ST3GAL4: variants seen among roughly 807,000 people sequenced by gnomAD.
The protein encoded by ST3GAL4 is CMP-N-acetylneuraminate-beta-galactosamide-alpha-2,3-sialyltransferase 4.
ST3GAL4 carries 24 observed loss-of-function variants against 42.6 expected under a neutral mutation model. The observed-to-expected ratio is 0.56, with a 90% CI of 0.41 to 0.79. The LOEUF (loss-of-function observed/expected upper bound fraction) is 0.79. Ranked by LOEUF, ST3GAL4 falls within the 30% of genes least tolerant of loss-of-function variation. The probability of loss-of-function intolerance (pLI) is 0.00; values close to 1 mark genes in which losing one functional copy is unlikely to be tolerated. For synonymous variants in ST3GAL4, 135 were observed against 163.2 expected (o/e 0.83, Z 1.32); for missense variants, 311 against 430.8 (o/e 0.72, Z 2.46).
intron 1 of ST3GAL4, among the ~76,000 whole-genome samples, chr11:126,394,585 C>T (rs113378378): frequency 3.3e-5 from 5 of 152,078 alleles, no homozygotes; most frequent in East Asian, 3.9e-4. Flanking sequence ...CCACCATGCC[C>T]GGCTAATTTT....
In ST3GAL4 at chr11:126,378,389, G is replaced by A. The variant is rs897867417; in HGVS notation, c.-61+22547G>A. On this transcript the variant is annotated intron_variant, in intron 1 of 10. Transcript: ENST00000444328. The surrounding 1 kb of genome is among the most constrained non-coding windows in gnomAD (Gnocchi z 5.3). Reference sequence around the variant, plus strand: ...TATGAATTTGATAAAATGACTGTATGCCATCATCAATTAGGGATGATTGGT... The same window carrying A: ...TATGAATTTGATAAAATGACTGTATACCATCATCAATTAGGGATGATTGGT... 6.6e-6 allele frequency among the ~76,000 whole-genome samples: 1 copy of A among 152,126 alleles called. No homozygotes were observed. The highest frequency in any genetic ancestry group is 2.4e-5 in the African/African-American group (1 of 41,432).
intron 1 of ST3GAL4, among the ~76,000 whole-genome samples, chr11:126,367,272 C>T (rs1471882728): frequency 6.6e-6 from 1 of 152,180 alleles, no homozygotes; most frequent in Non-Finnish European, 1.5e-5. Flanking sequence ...TGCCACCACA[C>T]CCCAGCAGCG....
At chr11:126,381,266 C>G (rs1490214332) in intron 1 of ST3GAL4, among the ~76,000 whole-genome samples, 1 of 152,168 alleles carries the variant, frequency 6.6e-6, no homozygotes, top group Non-Finnish European at 1.5e-5. Context: ...GTTCATCCCC[C>G]CACCTCCCAA....
At position 126,363,874 on chromosome 11, in the gene ST3GAL4, T is replaced by C. The variant is rs1952336668; in HGVS notation, c.-61+8032T>C. On this transcript the variant is annotated intron_variant, in intron 1 of 10. Transcript: ENST00000444328. This position sits in a 1 kb window ranked among gnomAD's most constrained non-coding sequence, Gnocchi z 4.6. ...GAGGGTCTGGATACACTCCCCACCC[T>C]CCCAGGCCCGGCACCGTGTCGCCCT... is the stretch of plus-strand genomic sequence containing the variant. Among the ~76,000 whole-genome samples the C allele has an allele frequency of 1.3e-5, 2 of 152,326 alleles. No homozygotes were observed. The highest frequency in any genetic ancestry group is 4.1e-4 in the South Asian group (2 of 4,830).
In ST3GAL4 at chr11:126,386,237, G is replaced by T. The variant is rs1953220988; in HGVS notation, c.-60-19859G>T. 6.6e-6 allele frequency among the ~76,000 whole-genome samples: 1 copy of T among 152,154 alleles called. No homozygotes were observed. The highest frequency in any genetic ancestry group is 1.5e-5 in the Non-Finnish European group (1 of 68,036). On this transcript the variant is annotated intron_variant, in intron 1 of 10. Transcript: ENST00000444328. The surrounding 1 kb of genome is among the most constrained non-coding windows in gnomAD (Gnocchi z 4.7). ...GCCCTGTGTTAGTGGTCCTGTGGTTGTCATTGCCCCGTCATCTCCACCATT... is the reference window on the plus strand; with the variant it reads ...GCCCTGTGTTAGTGGTCCTGTGGTTTTCATTGCCCCGTCATCTCCACCATT...
rs1954257602 is a variant in ST3GAL4 at position 126,406,860 on chromosome 11, C to T, written c.102-83C>T. On this transcript the variant is annotated intron_variant, in intron 3 of 10. Transcript: ENST00000444328. This position sits in a 1 kb window ranked among gnomAD's most constrained non-coding sequence, Gnocchi z 5.4. ...CCCCGGCACCTTGGGACCTTCATGC[C>T]GTGGGAGAAGGCTTAGGCTGCCTGG... 1.2e-5 allele frequency: 15 copies of T among 1,289,754 alleles called. No homozygotes were observed. Among genetic ancestry groups the T allele is most frequent in the Admixed American group, 3.6e-5 (2 of 55,468 alleles). 79.9% of individuals were successfully genotyped at this position (1,289,754 alleles called of 1,614,324 possible). A position where few individuals can be genotyped will look rare whatever the true frequency, so the allele number is the denominator to read the frequency against.
At chr11:126,382,802 C>A (rs1233395674) in intron 1 of ST3GAL4, among the ~76,000 whole-genome samples, 5 of 152,228 alleles carry the variant, frequency 3.3e-5, no homozygotes, top group African/African-American at 1.2e-4. Flanking sequence ...AGTCACCAGG[C>A]CTTGACAGGC....
At chr11:126,387,452 C>T (rs1257173234) in intron 1 of ST3GAL4, among the ~76,000 whole-genome samples, 4 of 151,962 alleles carry the variant, frequency 2.6e-5, no homozygotes, top group Non-Finnish European at 5.9e-5. Flanking sequence ...CAGAGGCAGG[C>T]GTGTCAGTTG....
Position 126,373,021 on chromosome 11 carries a change from G to A in ST3GAL4, c.-61+17179G>A, listed in dbSNP as rs776799772. ...CATGTTTTTTCTCATTGTTTCGTGG[G>A]AATACTGATATTATATATTCAAGTA... On this transcript the variant is annotated intron_variant, in intron 1 of 10. Transcript: ENST00000444328. The surrounding 1 kb of genome is among the most constrained non-coding windows in gnomAD (Gnocchi z 5.5). Among the ~76,000 whole-genome samples, 1 of 152,272 alleles carries A rather than the reference G, an allele frequency of 6.6e-6. No homozygotes were observed. Among genetic ancestry groups the A allele is most frequent in the Non-Finnish European group, 1.5e-5 (1 of 68,024 alleles).
At position 126,386,774 on chromosome 11, in the gene ST3GAL4, C is replaced by T. The variant is rs1363195252; in HGVS notation, c.-60-19322C>T. Among the ~76,000 whole-genome samples, 1 of 152,188 alleles carries T rather than the reference C, an allele frequency of 6.6e-6. No individual in the cohort carries two copies. Reference sequence around the variant, plus strand: ...GCTTCTGGCAACGCCCAGGTCTGTGCACATCCAGATCTTTGCACTGCGCTG... The same window carrying T: ...GCTTCTGGCAACGCCCAGGTCTGTGTACATCCAGATCTTTGCACTGCGCTG... On this transcript the variant is annotated intron_variant, in intron 1 of 10. Coordinates refer to ENST00000444328, the MANE Select transcript of ST3GAL4 (RefSeq NM_001254757.2). This position sits in a 1 kb window ranked among gnomAD's most constrained non-coding sequence, Gnocchi z 4.7.
At chr11:126,404,146 A>G (rs1054635986) in intron 1 of ST3GAL4, among the ~76,000 whole-genome samples, 6 of 152,242 alleles carry the variant, frequency 3.9e-5, no homozygotes, top group Admixed American at 1.3e-4. Context: ...TTGGACAGAT[A>G]GATGAATCGC....
In ST3GAL4 at chr11:126,379,087, A is replaced by G. The variant is rs1370924671; in HGVS notation, c.-61+23245A>G. Among the ~76,000 whole-genome samples the G allele has an allele frequency of 6.6e-6, 1 of 152,240 alleles. No individual in the cohort carries two copies. The highest frequency in any genetic ancestry group is 1.5e-5 in the Non-Finnish European group (1 of 68,044). On this transcript the variant is annotated intron_variant, in intron 1 of 10. Transcript: ENST00000444328. This position sits in a 1 kb window ranked among gnomAD's most constrained non-coding sequence, Gnocchi z 4.2. ...ACTGGTTGATCATAAATATCAGCCA[A>G]CTGCCAAGGGAAGGATACCAACCCT...
intron 1 of ST3GAL4, among the ~76,000 whole-genome samples, chr11:126,365,441 A>G (rs1361666929): frequency 2.0e-5 from 3 of 152,168 alleles, no homozygotes; most frequent in Non-Finnish European, 2.9e-5. Context: ...GGCACTTGGC[A>G]TGACCCCTGG....
rs1171935109 is a variant in ST3GAL4 at position 126,396,283 on chromosome 11, G to A, written c.-60-9813G>A. ...CTCCTGGACAGGCTGTGGAATGTGT[G>A]GAAGCAGGTACAGCCCAGGCCCGCG... On this transcript the variant is annotated intron_variant, in intron 1 of 10. Coordinates refer to ENST00000444328, the MANE Select transcript of ST3GAL4 (RefSeq NM_001254757.2). The surrounding 1 kb of genome is among the most constrained non-coding windows in gnomAD (Gnocchi z 5.8). Among the ~76,000 whole-genome samples the A allele has an allele frequency of 6.6e-6, 1 of 152,056 alleles. No individual in the cohort carries two copies. The highest frequency in any genetic ancestry group is 1.9e-4 in the East Asian group (1 of 5,192).
chr11:126,412,130 TAGAG>T (rs927793938), intron 9 of ST3GAL4, among the ~76,000 whole-genome samples: 7 of 151,792 alleles, frequency 4.6e-5, no homozygotes, highest in Admixed American at 6.6e-5. Context: ...ATTTAACTAA[TAGAG>T]AGAGAGTGCA....
At position 126,363,717 on chromosome 11, in the gene ST3GAL4, G is replaced by T. The variant is rs1350656929; in HGVS notation, c.-61+7875G>T. Among the ~76,000 whole-genome samples, 1 of 152,162 alleles carries T rather than the reference G, an allele frequency of 6.6e-6. No individual in the cohort carries two copies. The highest frequency in any genetic ancestry group is 1.5e-5 in the Non-Finnish European group (1 of 68,032). ...GGCTGACTAAGCTTCCCTAGCCTGGGACCTGAACCCTCCACCCTCCTCTCT... is the reference window on the plus strand; with the variant it reads ...GGCTGACTAAGCTTCCCTAGCCTGGTACCTGAACCCTCCACCCTCCTCTCT... On this transcript the variant is annotated intron_variant, in intron 1 of 10. Transcript: ENST00000444328. This position sits in a 1 kb window ranked among gnomAD's most constrained non-coding sequence, Gnocchi z 4.6.
intron 1 of ST3GAL4, among the ~76,000 whole-genome samples, chr11:126,388,861 C>T (rs1953354134): frequency 6.8e-6 from 1 of 147,412 alleles, no homozygotes; most frequent in Non-Finnish European, 1.5e-5. Context: ...ACTGCAGCCT[C>T]CACCTCCTTG....
intron 8 of ST3GAL4, chr11:126,408,789 G>A: frequency 2.1e-6 from 1 of 483,206 alleles, no homozygotes; most frequent in Non-Finnish European, 3.7e-6. Context: ...GTTTGCCTGT[G>A]AGGAACTCGG....
rs1954341812 is a variant in ST3GAL4, at chr11:126,408,135, G to A, written c.378G>A (p.Gly126=). 1.9e-6 allele frequency: 3 copies of A among 1,614,144 alleles called. No homozygotes were observed. The highest frequency in any genetic ancestry group is 2.5e-6 in the Non-Finnish European group (3 of 1,180,036). ...GCCGCTGTGTGGTCGTGGGGAACGG[G>A]CACCGGCTGCGGAACAGCTCACTGG... ...RCRRCVVVGN[G]HRLRNSSLGD... Residue 126 remains glycine, a synonymous_variant, in exon 7 of 11, where the codon GGG becomes GGA. Transcript: ENST00000444328.
Sources: allele counts gnomAD v4.1 joint callset (sites outside exome capture counted in the v4.1 genomes callset), GRCh38; gene constraint gnomAD v4.1.1; non-coding constraint Gnocchi (gnomAD v3.1); transcripts MANE v1.5; gene names NCBI Gene and HGNC (gene_info 2026-07-23, HGNC 2026-07-21).